The following CDCA7L variants were observed in gnomAD, a reference collection of about 807,000 sequenced individuals.
CDCA7L encodes cell division cycle-associated 7-like protein.
In CDCA7L, 44 loss-of-function variants were observed where a neutral mutation model predicts 57.4. The ratio of observed to expected loss-of-function variants is 0.77; its 90% CI spans 0.60 to 0.98. The LOEUF (loss-of-function observed/expected upper bound fraction) is 0.98. Ranked by LOEUF, CDCA7L falls within the 50% of genes least tolerant of loss-of-function variation. The probability of loss-of-function intolerance (pLI) is 0.00; values close to 1 mark genes in which losing one functional copy is unlikely to be tolerated. For synonymous variants in CDCA7L, 236 were observed against 202.8 expected (o/e 1.16, Z -1.39); for missense variants, 644 against 580.6 (o/e 1.11, Z -1.12).
chr7:21,939,259 C>G (rs1465313736), intron 1 of CDCA7L, among the ~76,000 whole-genome samples: 1 of 152,094 alleles, frequency 6.6e-6, no homozygotes, highest in East Asian at 1.9e-4. Context: ...TGAAAAAGCT[C>G]ATGAGAGATC....
At chr7:21,944,758 A>G (rs941522938) in intron 1 of CDCA7L, 3 of 152,054 alleles carry the variant, frequency 2.0e-5, no homozygotes, top group Non-Finnish European at 4.4e-5. Flanking sequence ...TGCGCCTTCC[A>G]ACGCTGGCGG....
intron 3 of CDCA7L, among the ~76,000 whole-genome samples, chr7:21,911,293 C>G (rs1346294518): frequency 6.6e-6 from 1 of 151,904 alleles, no homozygotes; most frequent in Non-Finnish European, 1.5e-5. Context: ...TCCCAAAGTG[C>G]TGGGATTACA....
At chr7:21,941,079 T>G (rs964974344) in intron 1 of CDCA7L, among the ~76,000 whole-genome samples, 1 of 152,050 alleles carries the variant, frequency 6.6e-6, no homozygotes, top group Non-Finnish European at 1.5e-5. Context: ...TCCTAACCAT[T>G]GAAAATCAGG....
At chr7:21,903,359 G>A (rs1169809146) in intron 8 of CDCA7L, among the ~76,000 whole-genome samples, 1 of 152,066 alleles carries the variant, frequency 6.6e-6, no homozygotes, top group Non-Finnish European at 1.5e-5. Flanking sequence ...ATTTTCACAA[G>A]CATTTGGCCA....
intron 1 of CDCA7L, among the ~76,000 whole-genome samples, chr7:21,918,593 TATTTTTTTTGC>T (rs1224159799): frequency 4.6e-5 from 7 of 152,248 alleles, no homozygotes; most frequent in Non-Finnish European, 8.8e-5. Context: ...TCTGAAGTTT[TATTTTTTTTGC>T]ATCCCCAAGG....
chr7:21,932,829 G>A (rs1786056031), intron 1 of CDCA7L, among the ~76,000 whole-genome samples: 1 of 152,052 alleles, frequency 6.6e-6, no homozygotes. Flanking sequence ...AAGAGCTTCT[G>A]CACAGCAAAA....
In CDCA7L at chr7:21,900,926, TA is replaced by T; in HGVS notation, c.*1395del. 1 of 1,414,778 alleles carries T rather than the reference TA, an allele frequency of 7.1e-7. No individual in the cohort carries two copies. The highest frequency in any genetic ancestry group is 9.3e-7 in the Non-Finnish European group (1 of 1,079,850). 87.6% of individuals were successfully genotyped at this position (1,414,778 alleles called of 1,614,324 possible). Reference sequence around the variant, plus strand: ...TGACAAAACCAGAATGTTGAATGTTTATTGCATCAAACAACTTACTTGATCA... The same window carrying T: ...TGACAAAACCAGAATGTTGAATGTTTTTGCATCAAACAACTTACTTGATCA... On this transcript the variant is annotated 3_prime_UTR_variant, in exon 10 of 10. Transcript: ENST00000406877.
In CDCA7L at chr7:21,905,623, G is replaced by A; in HGVS notation, c.930C>T (p.Cys310=). The change falls in exon 7 of 10, where the codon TGC becomes TGT. Residue 310 remains cysteine, a synonymous_variant. Transcript: ENST00000406877. ...FRRRKTIGGK[C]REYRRRHRIS... The stretch of plus-strand genomic sequence containing the variant: ...TACGGTGACGTCGTCTGTACTCCCG[G>A]CATTTCCCCTGCACAATGAACACAA... 1 of 1,613,564 alleles carries A rather than the reference G, an allele frequency of 6.2e-7. No homozygotes were observed. The highest frequency in any genetic ancestry group is 8.5e-7 in the Non-Finnish European group (1 of 1,179,926).
intron 5 of CDCA7L, 37 bp downstream of exon 5, chr7:21,906,531 T>C (rs1197632437): frequency 1.2e-6 from 2 of 1,612,452 alleles, no homozygotes; most frequent in African/African-American, 1.3e-5. Context: ...GATCACCATA[T>C]ATCAGTATTG....
chr7:21,926,667 T>C (rs539742729), intron 1 of CDCA7L, among the ~76,000 whole-genome samples: 27 of 151,834 alleles, frequency 1.8e-4, no homozygotes, highest in Middle Eastern at 3.5e-3. Flanking sequence ...AGCTCAGTTC[T>C]AGACCAGCCT....
At position 21,904,121 on chromosome 7, in the gene CDCA7L, A is replaced by G; in HGVS notation, c.1186T>C (p.Leu396=). 6.2e-7 allele frequency: 1 copy of G among 1,603,050 alleles called. No individual in the cohort carries two copies. The highest frequency in any genetic ancestry group is 1.1e-5 in the South Asian group (1 of 89,256). The change falls in exon 8 of 10, where the codon TTG becomes CTG. Residue 396 remains leucine, a synonymous_variant. Transcript: ENST00000406877. ...AACACTGTTCCTACCGGGTCCAGCA[A>G]TGCCGATCTGACATCCTCCCCATAG... ...NRYGEDVRSA[L]LDPDWVCPPC...
In CDCA7L at chr7:21,902,579, T is replaced by C. The variant is rs1170168379; in HGVS notation, c.1335-227A>G. The C allele has an allele frequency of 1.4e-5, 8 of 581,524 alleles. No individual in the cohort carries two copies. The African/African-American group carries it at 1.5e-4, about 11-fold the overall frequency. 36.0% of individuals were successfully genotyped at this position (581,524 alleles called of 1,614,324 possible). A position where few individuals can be genotyped will look rare whatever the true frequency, so the allele number is the denominator to read the frequency against. On this transcript the variant is annotated intron_variant, in intron 9 of 9. Coordinates refer to ENST00000406877, the MANE Select transcript of CDCA7L (RefSeq NM_018719.5). ...TTCCAGAACCACGATTCAGAGTTTA[T>C]TAATTACATAAATGAAACTTGTAAC...
chr7:21,918,978 CTTTT>C (rs973940977), intron 1 of CDCA7L, among the ~76,000 whole-genome samples: 1 of 151,416 alleles, frequency 6.6e-6, no homozygotes, highest in Non-Finnish European at 1.5e-5. Context: ...ATTGACAATT[CTTTT>C]TTTTTATATT....
intron 1 of CDCA7L, among the ~76,000 whole-genome samples, chr7:21,939,466 G>A (rs543391481): frequency 3.1e-4 from 47 of 152,328 alleles, no homozygotes; most frequent in African/African-American, 1.1e-3. Flanking sequence ...CAGCAGATGA[G>A]TACCTAATGA....
intron 1 of CDCA7L, among the ~76,000 whole-genome samples, chr7:21,922,122 G>A (rs370082000): frequency 6.6e-6 from 1 of 152,050 alleles, no homozygotes; most frequent in South Asian, 2.1e-4. Context: ...AGTCAAAAAG[G>A]TACACTCTGT....
intron 4 of CDCA7L, among the ~76,000 whole-genome samples, chr7:21,906,996 G>A (rs2128057979): frequency 6.6e-6 from 1 of 152,266 alleles, no homozygotes; most frequent in South Asian, 2.1e-4. Flanking sequence ...GCACACGTGA[G>A]TCTCAAGTTT....
chr7:21,923,964 AT>A (rs1321991127), intron 1 of CDCA7L, among the ~76,000 whole-genome samples: 1 of 152,258 alleles, frequency 6.6e-6, no homozygotes, highest in Admixed American at 6.5e-5. Flanking sequence ...TTAAAATTCA[AT>A]TTAAAAAACT....
intron 2 of CDCA7L, among the ~76,000 whole-genome samples, chr7:21,916,514 TAAAAAAA>T (rs71557529): frequency 9.5e-6 from 1 of 105,150 alleles, no homozygotes; most frequent in Admixed American, 1.0e-4. Flanking sequence ...TCCCTTTATT[TAAAAAAA>T]AAAAAAAAAA....
At chr7:21,944,091 A>G (rs1786428713) in intron 1 of CDCA7L, among the ~76,000 whole-genome samples, 1 of 152,106 alleles carries the variant, frequency 6.6e-6, no homozygotes, top group Admixed American at 6.5e-5. Context: ...TCAAATCTCC[A>G]TCCAGAGGGT....
Sources: gnomAD v4.1 joint callset for allele counts (sites outside exome capture counted in the v4.1 genomes callset) on GRCh38, gnomAD v4.1.1 for gene constraint, MANE v1.5 for transcripts, NCBI Gene and HGNC (gene_info 2026-07-23, HGNC 2026-07-21) for gene names.